The following XIRP2 variants were observed in gnomAD, a reference collection of about 807,000 sequenced individuals.
XIRP2 encodes xin actin binding repeat containing 2.
In XIRP2, 236 loss-of-function variants were observed where a neutral mutation model predicts 277.0. The observed-to-expected ratio is 0.85, with a 90% CI of 0.77 to 0.95. The LOEUF (loss-of-function observed/expected upper bound fraction) is 0.95. Ranked by LOEUF, XIRP2 falls within the 40% of genes least tolerant of loss-of-function variation. The pLI is 0.00. For synonymous variants in XIRP2, 1,490 were observed against 1,416.5 expected (o/e 1.05, Z -1.17); for missense variants, 4,640 against 4,157.5 (o/e 1.12, Z -3.19).
intron 2 of XIRP2, among the ~76,000 whole-genome samples, chr2:167,091,006 T>A (rs1349860909): frequency 6.6e-6 from 1 of 152,122 alleles, no homozygotes; most frequent in African/African-American, 2.4e-5. Flanking sequence ...ATCTTCAATA[T>A]ACAGAAAGAA....
intron 3 of XIRP2, among the ~76,000 whole-genome samples, chr2:167,196,177 T>C (rs1220052921): frequency 1.3e-5 from 2 of 152,202 alleles, no homozygotes; most frequent in African/African-American, 4.8e-5. Flanking sequence ...TTCTCTATGA[T>C]AATATACAAC....
At chr2:167,054,543 G>A (rs1479910059) in intron 2 of XIRP2, among the ~76,000 whole-genome samples, 2 of 152,122 alleles carry the variant, frequency 1.3e-5, no homozygotes, top group Non-Finnish European at 2.9e-5. Context: ...AATTAGCTGG[G>A]CGTGTTGGTG....
chr2:166,945,941 G>A (rs145795612), intron 2 of XIRP2, among the ~76,000 whole-genome samples: 1,712 of 152,078 alleles, frequency 0.011, 31 homozygotes, highest in African/African-American at 0.039. Context: ...GAGAACCAAA[G>A]TATCCAAAGG....
At chr2:167,124,325 G>A (rs1691139129) in intron 2 of XIRP2, 1 of 152,090 alleles carries the variant, frequency 6.6e-6, no homozygotes, top group South Asian at 2.1e-4. Context: ...TAAAGTTTTA[G>A]TTCATTATAC....
intron 2 of XIRP2, among the ~76,000 whole-genome samples, chr2:166,961,185 A>T (rs1686287688): frequency 6.6e-6 from 1 of 151,708 alleles, no homozygotes; most frequent in Admixed American, 6.6e-5. Context: ...ATTAACAAGG[A>T]TGATTGAATC....
At chr2:167,253,143 T>G (rs1465030219) in intron 9 of XIRP2, among the ~76,000 whole-genome samples, 3 of 151,906 alleles carry the variant, frequency 2.0e-5, no homozygotes, top group African/African-American at 7.2e-5. Flanking sequence ...TATAAATAAC[T>G]AATACCAAAG....
At chr2:167,189,610 C>T (rs1693266195) in intron 3 of XIRP2, among the ~76,000 whole-genome samples, 1 of 152,202 alleles carries the variant, frequency 6.6e-6, no homozygotes, top group Admixed American at 6.5e-5. Context: ...ACGGTTACTT[C>T]ACCTTTTCTA....
intron 2 of XIRP2, among the ~76,000 whole-genome samples, chr2:166,926,172 C>T (rs1318087402): frequency 6.6e-6 from 1 of 152,064 alleles, no homozygotes; most frequent in Non-Finnish European, 1.5e-5. Flanking sequence ...GTTTTCTATA[C>T]TATTCTTTCT....
At chr2:167,023,529 C>T (rs1028227759) in intron 2 of XIRP2, among the ~76,000 whole-genome samples, 9 of 151,868 alleles carry the variant, frequency 5.9e-5, no homozygotes, top group African/African-American at 1.9e-4. Flanking sequence ...AAGTCCTTGC[C>T]CATGCCTATG....
At chr2:167,121,700 G>C (rs1691061794) in intron 2 of XIRP2, among the ~76,000 whole-genome samples, 1 of 152,148 alleles carries the variant, frequency 6.6e-6, no homozygotes, top group African/African-American at 2.4e-5. Flanking sequence ...GCAAGTTGCA[G>C]AATTTTATTC....
At chr2:166,981,828 T>A (rs1006096816) in intron 2 of XIRP2, among the ~76,000 whole-genome samples, 10 of 152,220 alleles carry the variant, frequency 6.6e-5, no homozygotes, top group Admixed American at 6.5e-5. Flanking sequence ...ATTCTGAGAT[T>A]CTGAGTGAAC....
chr2:167,009,578 C>G (rs950064689), intron 2 of XIRP2, among the ~76,000 whole-genome samples: 5 of 151,830 alleles, frequency 3.3e-5, no homozygotes, highest in African/African-American at 9.7e-5. Flanking sequence ...GGGTATATAC[C>G]CAGTAATGGG....
At chr2:167,000,023 T>A (rs1324594512) in intron 2 of XIRP2, among the ~76,000 whole-genome samples, 1 of 152,176 alleles carries the variant, frequency 6.6e-6, no homozygotes, top group Non-Finnish European at 1.5e-5. Context: ...TGTTGCAAAA[T>A]AAATTTCCAT....
At chr2:166,980,104 A>AT (rs1251358681) in intron 2 of XIRP2, among the ~76,000 whole-genome samples, 5 of 152,004 alleles carry the variant, frequency 3.3e-5, no homozygotes, top group South Asian at 2.1e-4. Flanking sequence ...AAATTTAGCC[A>AT]TTTTTTCTGC....
At chr2:166,967,670 C>T (rs2105415802) in intron 2 of XIRP2, among the ~76,000 whole-genome samples, 1 of 152,042 alleles carries the variant, frequency 6.6e-6, no homozygotes, top group Admixed American at 6.6e-5. Flanking sequence ...CCTATAACCA[C>T]ATTACATAAA....
chr2:167,128,963 T>C (rs1691295794), intron 2 of XIRP2, among the ~76,000 whole-genome samples: 1 of 152,164 alleles, frequency 6.6e-6, no homozygotes, highest in Non-Finnish European at 1.5e-5. Flanking sequence ...GTATAGAATA[T>C]AATGATTGAA....
chr2:166,957,536 A>G (rs968478587), intron 2 of XIRP2, among the ~76,000 whole-genome samples: 4 of 151,830 alleles, frequency 2.6e-5, no homozygotes, highest in African/African-American at 9.7e-5. Flanking sequence ...AATGTATTAG[A>G]TGCTACATCA....
intron 5 of XIRP2, among the ~76,000 whole-genome samples, chr2:167,218,963 A>C (rs1694338223): frequency 6.6e-6 from 1 of 152,176 alleles, no homozygotes; most frequent in African/African-American, 2.4e-5. Context: ...TTACACTGTA[A>C]ACAGGTGTAC....
At chr2:167,081,239 G>A (rs1243192992) in intron 2 of XIRP2, among the ~76,000 whole-genome samples, 3 of 152,174 alleles carry the variant, frequency 2.0e-5, no homozygotes, top group Non-Finnish European at 4.4e-5. Flanking sequence ...GTAAAGGCAG[G>A]AGAATCACTT....
Sources: allele counts gnomAD v4.1 joint callset (sites outside exome capture counted in the v4.1 genomes callset), GRCh38; gene constraint gnomAD v4.1.1; transcripts MANE v1.5; gene names NCBI Gene and HGNC (gene_info 2026-07-23, HGNC 2026-07-21).